The following HSPA14 variants were observed in gnomAD, a reference collection of about 807,000 sequenced individuals.
HSPA14 encodes heat shock 70 kDa protein 14.
In HSPA14, 37 loss-of-function variants were observed where a neutral mutation model predicts 65.5. The observed-to-expected ratio is 0.56, with a 90% CI of 0.43 to 0.74. The LOEUF (loss-of-function observed/expected upper bound fraction) is 0.74, where lower values mean the gene tolerates loss of function less well. HSPA14 is among the 30% of genes least tolerant of loss of function. HSPA14 has a pLI of 0.00. For synonymous variants in HSPA14, 203 were observed against 214.2 expected (o/e 0.95, Z 0.46); for missense variants, 564 against 607.6 (o/e 0.93, Z 0.75).
chr10:14,851,420 T>C, intron 7 of HSPA14, 97 bp downstream of exon 7: 1 of 713,794 alleles, frequency 1.4e-6, no homozygotes, highest in Admixed American at 2.6e-5. Context: ...AATGCAGTGG[T>C]TCCAAACCTT....
chr10:14,845,195 ACT>A (rs1478173874), intron 3 of HSPA14: 3 of 985,192 alleles, frequency 3.0e-6, no homozygotes, highest in Non-Finnish European at 1.2e-6. Context: ...GGAAGACATT[ACT>A]CTCTGTCATT....
chr10:14,838,517 TG>T, intron 1 of HSPA14, 58 bp downstream of exon 1: 13 of 1,499,834 alleles, frequency 8.7e-6, no homozygotes, highest in Non-Finnish European at 1.1e-5. Flanking sequence ...TTTCTGGCGC[TG>T]GGTCATCCAC....
At chr10:14,863,710 C>T (rs1162418091) in intron 10 of HSPA14, among the ~76,000 whole-genome samples, 1 of 152,094 alleles carries the variant, frequency 6.6e-6, no homozygotes, top group African/African-American at 2.4e-5. Context: ...TTTGCCTTCT[C>T]TGCCTCTCTC....
chr10:14,870,529 A>G (rs1832844949), intron 12 of HSPA14, 68 bp from the exon 13 acceptor site: 3 of 1,512,548 alleles, frequency 2.0e-6, no homozygotes, highest in East Asian at 4.8e-5. Context: ...GTCCTTTGCA[A>G]TAATTGATAC....
chr10:14,854,660 T>C (rs1242236101), intron 9 of HSPA14, among the ~76,000 whole-genome samples: 1 of 152,202 alleles, frequency 6.6e-6, no homozygotes, highest in Non-Finnish European at 1.5e-5. Context: ...CTTTGAAGCA[T>C]AGTGAAAATT....
Position 14,851,287 on chromosome 10 carries a change from C to A in HSPA14, c.536C>A (p.Ala179Asp). The change falls in exon 7 of 14, where the codon GCT (alanine) becomes GAT (aspartate). Residue 179 changes from alanine (A) to aspartate (D), a missense_variant. Ala to Asp is a moderately radical substitution (Grantham distance 126, BLOSUM62 -2). Transcript: ENST00000378372. ...LIHEPSAALL[A>D]YGIGQDSPTG... is the part of the protein sequence containing the mutation. ...CACGAACCGTCTGCAGCTCTTCTTG[C>A]TTATGGAATTGGACAAGACTCCCCT... is the stretch of plus-strand genomic sequence containing the variant. 6.2e-7 allele frequency: 1 copy of A among 1,611,976 alleles called. No individual in the cohort carries two copies. The highest frequency in any genetic ancestry group is 8.5e-7 in the Non-Finnish European group (1 of 1,178,290).
chr10:14,863,754 C>T (rs544693167), intron 10 of HSPA14, among the ~76,000 whole-genome samples: 1 of 152,226 alleles, frequency 6.6e-6, no homozygotes, highest in East Asian at 1.9e-4. Flanking sequence ...CTGAGATGCA[C>T]TCAAAGAAAT....
intron 1 of HSPA14, among the ~76,000 whole-genome samples, chr10:14,839,026 C>CG (rs1833933293): frequency 1.3e-5 from 2 of 152,094 alleles, no homozygotes; most frequent in Admixed American, 6.6e-5. Context: ...CCCGGAGGGG[C>CG]GGGGAGGCTG....
chr10:14,841,573 T>C (rs940120805), intron 3 of HSPA14, among the ~76,000 whole-genome samples: 1 of 152,190 alleles, frequency 6.6e-6, no homozygotes, highest in African/African-American at 2.4e-5. Context: ...AACATTTCCA[T>C]AGATCTCTCC....
At chr10:14,847,633 C>A (rs1010267338) in intron 3 of HSPA14, among the ~76,000 whole-genome samples, 1 of 152,114 alleles carries the variant, frequency 6.6e-6, no homozygotes, top group Non-Finnish European at 1.5e-5. Flanking sequence ...ATTTTAAACC[C>A]CGTTTGTCTG....
Position 14,871,703 on chromosome 10 carries a change from G to T in HSPA14, c.*97G>T. The stretch of plus-strand genomic sequence containing the variant: ...TATTAAAATACTTTTTCAATGAACT[G>T]TATAAACTATGTTTTATTAAACTAC... On this transcript the variant is annotated 3_prime_UTR_variant, in exon 14 of 14. Transcript: ENST00000378372. 1.7e-6 allele frequency: 1 copy of T among 592,986 alleles called. No individual in the cohort carries two copies. The highest frequency in any genetic ancestry group is 2.9e-6 in the Non-Finnish European group (1 of 341,872). The allele number at this position is 592,986 out of a possible 1,614,324, so 36.7% of individuals were successfully genotyped here.
rs569448731 is a variant in HSPA14, at chr10:14,843,528, A to G, written c.221+3371A>G. 2.0e-5 allele frequency: 31 copies of G among 1,550,542 alleles called. 1 individual carries two copies. Among genetic ancestry groups the G allele is most frequent in the Non-Finnish European group, 2.5e-5 (29 of 1,146,988 alleles). ...GCAGCACTCCTGGGGTAGCCTCCAC[A>G]CCGCAGACTCCAGTCTCCTCTTCGA... On this transcript the variant is annotated intron_variant, in intron 3 of 13. Coordinates refer to ENST00000378372, the MANE Select transcript of HSPA14 (RefSeq NM_016299.4).
At chr10:14,844,847 C>T (rs750395931) in intron 3 of HSPA14, 12 of 985,208 alleles carry the variant, frequency 1.2e-5, no homozygotes, top group Admixed American at 6.2e-5. Flanking sequence ...GTTTCCCATC[C>T]GCTTTTTAGC....
Position 14,844,247 on chromosome 10 carries a change from T to G in HSPA14, c.221+4090T>G, listed in dbSNP as rs866712161. The G allele has an allele frequency of 4.8e-5, 51 of 1,072,922 alleles. No homozygotes were observed. In the Middle Eastern group the frequency reaches 1.6e-3, roughly 35 times the overall value. 66.5% of individuals were successfully genotyped at this position (1,072,922 alleles called of 1,614,324 possible). A position where few individuals can be genotyped will look rare whatever the true frequency, so the allele number is the denominator to read the frequency against. ...TCCTGCCCTGCCTACCTCACAGGGT[T>G]GTTGTGAGGATCACGTAGTTCATAG... is the stretch of plus-strand genomic sequence containing the variant. On this transcript the variant is annotated intron_variant, in intron 3 of 13. Coordinates refer to ENST00000378372, the MANE Select transcript of HSPA14 (RefSeq NM_016299.4).
At position 14,845,359 on chromosome 10, in the gene HSPA14, G is replaced by A. The variant is rs577498527; in HGVS notation, c.222-3250G>A. On this transcript the variant is annotated intron_variant, in intron 3 of 13. Coordinates refer to ENST00000378372, the MANE Select transcript of HSPA14 (RefSeq NM_016299.4). Reference sequence around the variant, plus strand: ...GGAGGTTTTATTTTCTATCTTGCAGGCTCGAGTGCTTAGCTAAATGCTGGA... The same window carrying A: ...GGAGGTTTTATTTTCTATCTTGCAGACTCGAGTGCTTAGCTAAATGCTGGA... The A allele has an allele frequency of 4.6e-3, 4,529 of 985,290 alleles. 9 individuals are homozygous for A. Among genetic ancestry groups the A allele is most frequent in the Non-Finnish European group, 5.1e-3 (4,200 of 829,930 alleles). The allele number at this position is 985,290 out of a possible 1,614,324, so 61.0% of individuals were successfully genotyped here.
intron 1 of HSPA14, among the ~76,000 whole-genome samples, chr10:14,838,728 G>A (rs1407746307): frequency 2.0e-5 from 3 of 152,202 alleles, no homozygotes; most frequent in East Asian, 3.9e-4. Context: ...TGCCCGGAGG[G>A]GTCCCAGGGA....
Position 14,838,637 on chromosome 10 carries a change from C to T in HSPA14, c.57+178C>T, listed in dbSNP as rs561226693. The T allele has an allele frequency of 1.0e-3, 626 of 597,186 alleles. 4 individuals are homozygous for T. The highest frequency in any genetic ancestry group is 0.01 in the African/African-American group (536 of 51,148). The allele number at this position is 597,186 out of a possible 1,614,324, so 37.0% of individuals were successfully genotyped here. Reference sequence around the variant, plus strand: ...AGGCCCGGCCTCGCGCCTGGCGATTCCTCCGGAAAGTCGTCTACTCCGCGG... The same window carrying T: ...AGGCCCGGCCTCGCGCCTGGCGATTTCTCCGGAAAGTCGTCTACTCCGCGG... On this transcript the variant is annotated intron_variant, in intron 1 of 13. Coordinates refer to ENST00000378372, the MANE Select transcript of HSPA14 (RefSeq NM_016299.4).
intron 3 of HSPA14, chr10:14,844,528 A>G: frequency 2.0e-6 from 2 of 987,168 alleles, no homozygotes; most frequent in Non-Finnish European, 2.4e-6. Flanking sequence ...AATCTCTTAC[A>G]TTTCCACTGC....
At chr10:14,870,537 T>G in intron 12 of HSPA14, 60 bp from the exon 13 acceptor site, 4 of 1,523,906 alleles carry the variant, frequency 2.6e-6, no homozygotes, top group Non-Finnish European at 3.5e-6. Context: ...CAATAATTGA[T>G]ACATCAGTTC....
Sources: gnomAD v4.1 joint callset for allele counts (sites outside exome capture counted in the v4.1 genomes callset) on GRCh38, gnomAD v4.1.1 for gene constraint, MANE v1.5 for transcripts, NCBI Gene and HGNC (gene_info 2026-07-23, HGNC 2026-07-21) for gene names.